The following ATOSA variants were observed in gnomAD, a reference collection of about 807,000 sequenced individuals.
ATOSA encodes atos homolog A, also known as atos homolog protein A.
At chr15:52,581,838 CAT>C in the ATOSA span, 1 of 207,918 alleles carries the variant, frequency 4.8e-6, no homozygotes, top group Non-Finnish European at 9.5e-6. Context: ...TAGAGACAAA[CAT>C]CACTTGAGTA....
chr15:52,664,389 G>A, the ATOSA span, among the ~76,000 whole-genome samples: 1 of 152,186 alleles, frequency 6.6e-6, no homozygotes, highest in Non-Finnish European at 1.5e-5. Flanking sequence ...TAGAAAGCTG[G>A]TGCCCACTTT....
At chr15:52,608,023 G>T in the ATOSA span, among the ~76,000 whole-genome samples, 1 of 152,066 alleles carries the variant, frequency 6.6e-6, no homozygotes, top group African/African-American at 2.4e-5. Flanking sequence ...TGGGCCTACA[G>T]GCATGTACCA....
At chr15:52,613,138 AG>A in the ATOSA span, among the ~76,000 whole-genome samples, 730 of 152,034 alleles carry the variant, frequency 4.8e-3, 7 homozygotes, top group African/African-American at 0.017. Context: ...GAGGCTGAGG[AG>A]GGCGGATCAT....
the ATOSA span, among the ~76,000 whole-genome samples, chr15:52,622,363 G>A: frequency 6.6e-6 from 1 of 152,188 alleles, no homozygotes; most frequent in Non-Finnish European, 1.5e-5. Flanking sequence ...TGAGGCATCT[G>A]AGAATGGATA....
chr15:52,709,505 A>T, the ATOSA span, among the ~76,000 whole-genome samples: 5 of 152,148 alleles, frequency 3.3e-5, no homozygotes, highest in Admixed American at 3.3e-4. Context: ...TTTCACACTG[A>T]CCTTTTAACG....
chr15:52,657,830 TAA>T, the ATOSA span: 4 of 152,130 alleles, frequency 2.6e-5, no homozygotes, highest in South Asian at 2.1e-4. Flanking sequence ...AAAATTAATA[TAA>T]AGAGTTGAGA....
At chr15:52,692,344 C>A in the ATOSA span, among the ~76,000 whole-genome samples, 1 of 152,142 alleles carries the variant, frequency 6.6e-6, no homozygotes, top group African/African-American at 2.4e-5. Flanking sequence ...AGTAAAATGT[C>A]TTTGAGAGCT....
the ATOSA span, among the ~76,000 whole-genome samples, chr15:52,667,985 C>T: frequency 2.0e-4 from 31 of 152,166 alleles, no homozygotes; most frequent in Admixed American, 3.3e-4. Flanking sequence ...ACAGCCATTA[C>T]GGAAAACAGT....
the ATOSA span, among the ~76,000 whole-genome samples, chr15:52,598,235 AT>A: frequency 1.3e-5 from 2 of 152,228 alleles, no homozygotes; most frequent in Admixed American, 6.5e-5. Context: ...CACAAAAAAA[AT>A]CTAACAACAT....
the ATOSA span, among the ~76,000 whole-genome samples, chr15:52,700,704 A>T: frequency 5.3e-5 from 8 of 152,326 alleles, no homozygotes; most frequent in East Asian, 1.5e-3. Flanking sequence ...GCAGTATGTT[A>T]TTATTGTTTT....
the ATOSA span, among the ~76,000 whole-genome samples, chr15:52,589,011 C>T: frequency 6.6e-6 from 1 of 152,186 alleles, no homozygotes; most frequent in Non-Finnish European, 1.5e-5. Context: ...GGGAAAGCCA[C>T]ATTCTGACAT....
chr15:52,650,816 C>T, the ATOSA span, among the ~76,000 whole-genome samples: 2 of 152,080 alleles, frequency 1.3e-5, no homozygotes, highest in Non-Finnish European at 2.9e-5. Context: ...AAGGAAAAGC[C>T]GGTTATTAGC....
the ATOSA span, chr15:52,593,441 G>A: frequency 2.7e-6 from 2 of 752,002 alleles, no homozygotes; most frequent in South Asian, 2.4e-5. Flanking sequence ...GAAGTTGTGA[G>A]GTAATATTTT....
chr15:52,659,643 G>C, the ATOSA span, among the ~76,000 whole-genome samples: 1 of 152,076 alleles, frequency 6.6e-6, no homozygotes, highest in African/African-American at 2.4e-5. Flanking sequence ...TGGGGCAAAT[G>C]AGCTATTTTA....
the ATOSA span, among the ~76,000 whole-genome samples, chr15:52,606,687 T>C: frequency 6.6e-6 from 1 of 152,194 alleles, no homozygotes; most frequent in African/African-American, 2.4e-5. Flanking sequence ...CGAACATTCT[T>C]AAGGCCAGTG....
chr15:52,601,646 GA>G, the ATOSA span, among the ~76,000 whole-genome samples: 3 of 152,002 alleles, frequency 2.0e-5, no homozygotes, highest in African/African-American at 7.3e-5. Context: ...ATGCTTTACA[GA>G]GAATAGATTT....
At chr15:52,682,802 C>G in the ATOSA span, among the ~76,000 whole-genome samples, 72 of 152,286 alleles carry the variant, frequency 4.7e-4, no homozygotes, top group African/African-American at 1.7e-3. Context: ...GAAATGCAAG[C>G]TATCTTTTCC....
At chr15:52,668,320 G>A in the ATOSA span, among the ~76,000 whole-genome samples, 1 of 152,146 alleles carries the variant, frequency 6.6e-6, no homozygotes, top group South Asian at 2.1e-4. Flanking sequence ...GACACATACT[G>A]CATGATCTCA....
At chr15:52,582,870 A>G in the ATOSA span, among the ~76,000 whole-genome samples, 47 of 152,332 alleles carry the variant, frequency 3.1e-4, no homozygotes, top group Non-Finnish European at 6.0e-4. Flanking sequence ...TGTATATGAA[A>G]CTGTTTCTAT....
Sources: gnomAD v4.1 joint callset for allele counts (sites outside exome capture counted in the v4.1 genomes callset) on GRCh38, gnomAD v4.1.1 for gene constraint, MANE v1.5 for transcripts, NCBI Gene and HGNC (gene_info 2026-07-23, HGNC 2026-07-21) for gene names.